FAM81A: variants seen among roughly 807,000 people sequenced by gnomAD.
FAM81A encodes the protein protein FAM81A.
In FAM81A, 19 loss-of-function variants were observed where a neutral mutation model predicts 46.7. That is an observed-to-expected ratio of 0.41 (90% confidence interval 0.28 to 0.60). The LOEUF is 0.60. Ranked by LOEUF, FAM81A falls within the 20% of genes least tolerant of loss-of-function variation. The pLI, the probability that FAM81A is intolerant of heterozygous loss-of-function variation, is 0.34. For missense variants in FAM81A, 377 were observed against 453.5 expected, an observed-to-expected ratio of 0.83 and a Z score of 1.53; for synonymous variants, 183 against 152.9, an observed-to-expected ratio of 1.20 and a Z score of -1.45.
intron 8 of FAM81A, 137 bp from the exon 9 acceptor site, chr15:59,521,117 C>A: frequency 1.1e-6 from 1 of 941,450 alleles, no homozygotes; most frequent in East Asian, 2.9e-5. Context: ...CACCTGTTCC[C>A]CATCATACTT....
intron 5 of FAM81A, 47 bp downstream of exon 5, chr15:59,507,389 A>T (rs1358921466): frequency 5.7e-6 from 9 of 1,591,624 alleles, no homozygotes; most frequent in Non-Finnish European, 7.7e-6. Flanking sequence ...ATTTGTTCTT[A>T]GCTAAGAATA....
At chr15:59,401,485 C>T (rs2081070168) in intron 1 of FAM81A, 2 of 759,800 alleles carry the variant, frequency 2.6e-6, no homozygotes, top group Non-Finnish European at 4.8e-6. Context: ...AGCCCATTGG[C>T]CTGATGAATC....
At chr15:59,468,561 T>C (rs1248515157) in intron 3 of FAM81A, among the ~76,000 whole-genome samples, 2 of 152,162 alleles carry the variant, frequency 1.3e-5, no homozygotes, top group African/African-American at 4.8e-5. Flanking sequence ...GATATCCCCT[T>C]TACCATTTTT....
chr15:59,482,017 G>C (rs2081858664), intron 3 of FAM81A, among the ~76,000 whole-genome samples: 1 of 152,082 alleles, frequency 6.6e-6, no homozygotes, highest in Non-Finnish European at 1.5e-5. Context: ...TGAGCAGAAA[G>C]TATACTCTCT....
chr15:59,476,724 AG>A (rs150517607), intron 3 of FAM81A, among the ~76,000 whole-genome samples: 3,277 of 152,030 alleles, frequency 0.022, 210 homozygotes, highest in Admixed American at 0.13. Context: ...TGGGAGGTGG[AG>A]GTTGCAGTGA....
intron 1 of FAM81A, among the ~76,000 whole-genome samples, chr15:59,441,420 C>T (rs181461698): frequency 1.1e-4 from 16 of 152,370 alleles, no homozygotes; most frequent in African/African-American, 3.8e-4. Context: ...ACTGAGGAAC[C>T]AAGTTTTCCA....
intron 3 of FAM81A, among the ~76,000 whole-genome samples, chr15:59,465,194 C>G (rs1430059896): frequency 6.6e-6 from 1 of 152,138 alleles, no homozygotes; most frequent in Non-Finnish European, 1.5e-5. Flanking sequence ...ATGCCAGTAC[C>G]ATGCTGTTTT....
chr15:59,442,490 G>A (rs530394905), intron 1 of FAM81A, among the ~76,000 whole-genome samples: 8 of 151,632 alleles, frequency 5.3e-5, no homozygotes, highest in East Asian at 1.9e-4. Context: ...GGTGGTGAGC[G>A]CCTGTAATCC....
chr15:59,471,334 A>G (rs752081650), intron 3 of FAM81A, among the ~76,000 whole-genome samples: 25 of 152,104 alleles, frequency 1.6e-4, no homozygotes, highest in Non-Finnish European at 2.8e-4. Flanking sequence ...GCATATATCT[A>G]CCTGATGCAT....
At chr15:59,493,837 C>T (rs1382214793) in intron 4 of FAM81A, among the ~76,000 whole-genome samples, 1 of 152,188 alleles carries the variant, frequency 6.6e-6, no homozygotes, top group Non-Finnish European at 1.5e-5. Flanking sequence ...ATCCGCCCAC[C>T]TCGGCCTCCA....
chr15:59,405,649 AG>A (rs67916542), intron 2 of FAM81A, among the ~76,000 whole-genome samples: 87,841 of 150,650 alleles, frequency 0.58, 28,162 homozygotes, highest in Non-Finnish European at 0.72. Flanking sequence ...TCAAAAAAAA[AG>A]AATAATGATA....
At chr15:59,417,319 C>G (rs1212556255) in intron 2 of FAM81A, among the ~76,000 whole-genome samples, 2 of 152,026 alleles carry the variant, frequency 1.3e-5, no homozygotes, top group African/African-American at 2.4e-5. Flanking sequence ...ACTTCGTTTT[C>G]TTAATGTTGC....
At chr15:59,400,878 A>AT (rs1232772149) in intron 1 of FAM81A, among the ~76,000 whole-genome samples, 1 of 152,130 alleles carries the variant, frequency 6.6e-6, no homozygotes, top group African/African-American at 2.4e-5. Flanking sequence ...TCACTGGTTG[A>AT]TTAGTGTTTC....
chr15:59,466,625 G>C (rs1335900697), intron 3 of FAM81A, among the ~76,000 whole-genome samples: 1 of 151,938 alleles, frequency 6.6e-6, no homozygotes, highest in Non-Finnish European at 1.5e-5. Context: ...CAGATGGGTA[G>C]ATTGCAAAAA....
intron 1 of FAM81A, chr15:59,401,660 G>A (rs764511651): frequency 4.5e-5 from 37 of 829,636 alleles, no homozygotes; most frequent in African/African-American, 2.4e-4. Context: ...CCATTTTCCC[G>A]CCTTCTCTTT....
At chr15:59,493,620 C>G (rs76439157) in intron 4 of FAM81A, among the ~76,000 whole-genome samples, 47 of 152,248 alleles carry the variant, frequency 3.1e-4, no homozygotes, top group African/African-American at 1.1e-3. Context: ...ACAATTCTCA[C>G]TCTGTCTGCC....
In FAM81A at chr15:59,516,847, C is replaced by G. The variant is rs1364445959; in HGVS notation, c.982+7C>G. 4 of 1,589,434 alleles carry G rather than the reference C, an allele frequency of 2.5e-6. No homozygotes were observed. Among genetic ancestry groups the G allele is most frequent in the Non-Finnish European group, 3.4e-6 (4 of 1,170,738 alleles). On this transcript the variant is annotated splice_region_variant and intron_variant, in intron 8 of 8. Transcript: ENST00000288228. ...AAAGCAGAAGTTAATGCTGGTAGGC[C>G]AAAACCAGAACAGCTCACGTGCTTT... is the stretch of plus-strand genomic sequence containing the variant.
chr15:59,513,083 T>C lies in FAM81A; in HGVS notation c.651-1206T>C, dbSNP rs2082230262. The stretch of plus-strand genomic sequence containing the variant: ...AAGTCACATGTCTACATCACATACA[T>C]TCTTCTGTATTTTATTACATATTAT... On this transcript the variant is annotated intron_variant, in intron 6 of 8. Coordinates refer to ENST00000288228, the MANE Select transcript of FAM81A (RefSeq NM_152450.3). Among the ~76,000 whole-genome samples the C allele has an allele frequency of 3.3e-5, 5 of 152,212 alleles. No individual in the cohort carries two copies. In the South Asian group the frequency reaches 1.0e-3, roughly 31 times the overall value.
intron 8 of FAM81A, among the ~76,000 whole-genome samples, chr15:59,517,396 C>A (rs1408236503): frequency 6.6e-6 from 1 of 152,070 alleles, no homozygotes; most frequent in South Asian, 2.1e-4. Context: ...GGAAGGTACC[C>A]GAAGACAGAT....
Sources: gnomAD v4.1 joint callset for allele counts (sites outside exome capture counted in the v4.1 genomes callset) on GRCh38, gnomAD v4.1.1 for gene constraint, MANE v1.5 for transcripts, NCBI Gene and HGNC (gene_info 2026-07-23, HGNC 2026-07-21) for gene names.